Variants in CRYM observed in about 807,000 individuals in gnomAD.
CRYM encodes the protein crystallin mu, also known as ketimine reductase mu-crystallin.
In CRYM, 18 loss-of-function variants were observed where a neutral mutation model predicts 32.9. The observed-to-expected ratio is 0.55, with a 90% CI of 0.38 to 0.81. The LOEUF is 0.81. Among genes scored for constraint, CRYM ranks in the 30% least tolerant of loss-of-function variants. The pLI is 0.00. For missense variants in CRYM, 337 were observed against 393.5 expected, an observed-to-expected ratio of 0.86 and a Z score of 1.21; for synonymous variants, 153 against 152.4, an observed-to-expected ratio of 1.00 and a Z score of -0.03.
chr16:21,271,329 C>T (rs2093375019), intron 3 of CRYM, among the ~76,000 whole-genome samples: 1 of 152,188 alleles, frequency 6.6e-6, no homozygotes, highest in African/African-American at 2.4e-5. Flanking sequence ...GCCCTCGACA[C>T]CATATGTATT....
intron 5 of CRYM, among the ~76,000 whole-genome samples, chr16:21,264,065 C>G (rs756320310): frequency 1.2e-4 from 19 of 152,238 alleles, no homozygotes; most frequent in Non-Finnish European, 2.5e-4. Flanking sequence ...TGCTATAAAG[C>G]CTTATACAAA....
intron 6 of CRYM, 109 bp from the exon 7 acceptor site, chr16:21,261,447 T>TTA (rs34784464): frequency 1.7e-5 from 10 of 596,112 alleles, no homozygotes; most frequent in Admixed American, 5.6e-5. Flanking sequence ...TAAATTTGAT[T>TTA]AAAAAAAAAA....
At chr16:21,291,430 C>A (rs1406355508) in intron 1 of CRYM, among the ~76,000 whole-genome samples, 2 of 152,098 alleles carry the variant, frequency 1.3e-5, no homozygotes, top group African/African-American at 4.8e-5. Flanking sequence ...TACTGTGAAT[C>A]TTGACAATAA....
intron 1 of CRYM, among the ~76,000 whole-genome samples, chr16:21,290,161 C>G (rs1326702227): frequency 6.6e-6 from 1 of 152,108 alleles, no homozygotes; most frequent in East Asian, 1.9e-4. Flanking sequence ...TGTCGGATCC[C>G]CTTCCATGCT....
chr16:21,265,053 A>C (rs1407231397), intron 5 of CRYM, among the ~76,000 whole-genome samples: 1 of 152,124 alleles, frequency 6.6e-6, no homozygotes, highest in East Asian at 1.9e-4. Flanking sequence ...GTGTTGTTTT[A>C]AGCTGAAAAA....
At chr16:21,271,996 T>C (rs1008060861) in intron 3 of CRYM, among the ~76,000 whole-genome samples, 5 of 151,956 alleles carry the variant, frequency 3.3e-5, no homozygotes, top group African/African-American at 9.7e-5. Context: ...GTAGCTGGGA[T>C]TACAGGTATG....
chr16:21,289,411 G>A (rs932993273), intron 1 of CRYM, among the ~76,000 whole-genome samples: 12 of 152,040 alleles, frequency 7.9e-5, no homozygotes, highest in East Asian at 7.7e-4. Context: ...TTTGGTTACC[G>A]TTTGCATTGA....
At chr16:21,260,747 GC>G (rs1242315263) in intron 7 of CRYM, among the ~76,000 whole-genome samples, 2 of 152,196 alleles carry the variant, frequency 1.3e-5, no homozygotes, top group Non-Finnish European at 2.9e-5. Flanking sequence ...CCCCATGGAA[GC>G]CCTCCTCAAA....
At chr16:21,301,006 A>C (rs891067501) in intron 1 of CRYM, 11 of 356 alleles carry the variant, frequency 0.031, no homozygotes, top group Non-Finnish European at 0.038. Flanking sequence ...CGTCCCGGAC[A>C]GAAGCCGCAG....
At chr16:21,279,340 G>C (rs1019029167), upstream of CRYM, among the ~76,000 whole-genome samples, 2 of 152,226 alleles carry the variant, frequency 1.3e-5, no homozygotes, top group African/African-American at 4.8e-5. Flanking sequence ...CAAGTCAGCA[G>C]AGGAGCTGGC....
intron 7 of CRYM, 146 bp downstream of exon 7, chr16:21,261,108 T>C: frequency 1.4e-6 from 1 of 733,794 alleles, no homozygotes; most frequent in Non-Finnish European, 2.4e-6. Flanking sequence ...GGCTTAGCAC[T>C]AGGCTAAACC....
upstream of CRYM, among the ~76,000 whole-genome samples, chr16:21,279,414 G>A (rs2093394238): frequency 6.6e-6 from 1 of 152,202 alleles, no homozygotes; most frequent in African/African-American, 2.4e-5. Flanking sequence ...CAGAAAGAGA[G>A]GAAGAGGGCA....
chr16:21,302,337 T>A (rs193219463), intron 1 of CRYM, among the ~76,000 whole-genome samples: 51 of 152,358 alleles, frequency 3.3e-4, no homozygotes, highest in African/African-American at 1.2e-3. Context: ...GCAGTCCTGA[T>A]ACTTACATTG....
At chr16:21,262,761 TA>T (rs1177965165) in intron 5 of CRYM, among the ~76,000 whole-genome samples, 1 of 152,246 alleles carries the variant, frequency 6.6e-6, no homozygotes, top group Non-Finnish European at 1.5e-5. Context: ...TTGCACGTAC[TA>T]TTTATGGTTC....
rs769515388 is a variant in CRYM, at chr16:21,277,051, T to A, written c.324+380A>T. On this transcript the variant is annotated intron_variant, in intron 2 of 7. Coordinates refer to ENST00000572914, the MANE Select transcript of CRYM (RefSeq NM_001376256.1). This position sits in a 1 kb window ranked among gnomAD's most constrained non-coding sequence, Gnocchi z 4.2. ...TACCCCTCTGAAGACTCCCAGGGAT[T>A]ATAGAACACCCCTTCTTTTCCATGT... 6.6e-6 allele frequency among the ~76,000 whole-genome samples: 1 copy of A among 152,176 alleles called. No homozygotes were observed. The highest frequency in any genetic ancestry group is 1.5e-5 in the Non-Finnish European group (1 of 68,036).
chr16:21,279,446 G>A (rs952908529), upstream of CRYM, among the ~76,000 whole-genome samples: 3 of 152,208 alleles, frequency 2.0e-5, no homozygotes, highest in African/African-American at 7.2e-5. Context: ...GTAAAGCCCT[G>A]AGGTGGAAGG....
chr16:21,295,904 C>T (rs1567242449), intron 1 of CRYM, among the ~76,000 whole-genome samples: 1 of 151,904 alleles, frequency 6.6e-6, no homozygotes, highest in Non-Finnish European at 1.5e-5. Flanking sequence ...TGCACTTCAG[C>T]CTGGGCAAGA....
intron 2 of CRYM, 101 bp from the exon 3 acceptor site, chr16:21,275,695 C>A: frequency 1.1e-6 from 1 of 931,680 alleles, no homozygotes; most frequent in South Asian, 1.4e-5. Flanking sequence ...TTTATAGCAT[C>A]CTACAAACAG....
chr16:21,264,048 T>G (rs966882181), intron 5 of CRYM, among the ~76,000 whole-genome samples: 4 of 152,274 alleles, frequency 2.6e-5, no homozygotes, highest in Admixed American at 6.5e-5. Flanking sequence ...GGCTAGTCTT[T>G]GAAAACTGCT....
Sources: gnomAD v4.1 joint callset for allele counts (sites outside exome capture counted in the v4.1 genomes callset) on GRCh38, gnomAD v4.1.1 for gene constraint, Gnocchi (gnomAD v3.1) non-coding constraint, MANE v1.5 for transcripts, NCBI Gene and HGNC (gene_info 2026-07-23, HGNC 2026-07-21) for gene names.